MYO5A: variants seen among roughly 807,000 people sequenced by gnomAD.
The protein encoded by MYO5A is myosin VA.
A neutral mutation model predicts 249.7 loss-of-function variants in MYO5A; 98 were observed. That is an observed-to-expected ratio of 0.39 (90% CI 0.33 to 0.46). MYO5A has a LOEUF of 0.46. Among genes scored for constraint, MYO5A ranks in the 20% least tolerant of loss-of-function variants. The pLI is 0.98. For missense variants in MYO5A, 1,696 were observed against 2,308.8 expected, an observed-to-expected ratio of 0.73 and a Z score of 5.44; for synonymous variants, 778 against 810.6, an observed-to-expected ratio of 0.96 and a Z score of 0.68.
chr15:52,381,566 T>C (rs1013923771), intron 16 of MYO5A, among the ~76,000 whole-genome samples: 3 of 152,206 alleles, frequency 2.0e-5, no homozygotes, highest in Non-Finnish European at 2.9e-5. Context: ...ATGTTTATTA[T>C]AGCATTGTTG....
chr15:52,479,238 A>G lies in MYO5A; in HGVS notation c.28-45953T>C, dbSNP rs1567165288. 2.6e-5 allele frequency among the ~76,000 whole-genome samples: 4 copies of G among 152,182 alleles called. No homozygotes were observed. In the South Asian group the frequency reaches 6.2e-4, roughly 24 times the overall value. Reference sequence around the variant, plus strand: ...AGTGACCTGCCCTCCTCAGCCTCCCAAAGTGCTGGTATTACAGGAGTGAGC... The same window carrying G: ...AGTGACCTGCCCTCCTCAGCCTCCCGAAGTGCTGGTATTACAGGAGTGAGC... On this transcript the variant is annotated intron_variant, in intron 1 of 41. Transcript: ENST00000399233.
In MYO5A at chr15:52,522,354, T is replaced by G. The variant is rs191568036; in HGVS notation, c.27+6426A>C. On this transcript the variant is annotated intron_variant, in intron 1 of 41. Coordinates refer to ENST00000399233, the MANE Select transcript of MYO5A (RefSeq NM_001382347.1). ...TCAAGTATATTATACCTCAATAAAG[T>G]TGATGAAAGATTGGGAGTGGGGTGG... 2.7e-3 allele frequency among the ~76,000 whole-genome samples: 415 copies of G among 152,230 alleles called. 6 individuals are homozygous for G. The highest frequency in any genetic ancestry group is 1.1e-3 in the Non-Finnish European group (78 of 68,004).
chr15:52,494,982 C>T (rs1400095528), intron 1 of MYO5A, among the ~76,000 whole-genome samples: 1 of 152,118 alleles, frequency 6.6e-6, no homozygotes, highest in Non-Finnish European at 1.5e-5. Context: ...ATTAATTTTC[C>T]TTCTACTATC....
chr15:52,498,989 T>C (rs914471949), intron 1 of MYO5A, among the ~76,000 whole-genome samples: 7 of 152,220 alleles, frequency 4.6e-5, no homozygotes, highest in African/African-American at 9.6e-5. Context: ...ATGTAAGATA[T>C]CATTTAAGAT....
In MYO5A at chr15:52,309,878, G is replaced by C. The variant is rs910823608; in HGVS notation, c.*3818C>G. 2 of 151,860 alleles carry C rather than the reference G, an allele frequency of 1.3e-5. No individual in the cohort carries two copies. The highest frequency in any genetic ancestry group is 4.8e-5 in the African/African-American group (2 of 41,374). 9.4% of individuals were successfully genotyped at this position (151,860 alleles called of 1,614,324 possible). ...TATGTGTGTGTGTGTGTGTGTAAGA[G>C]AGAAAGGGCATTGTGTGAGGACTTC... is the stretch of plus-strand genomic sequence containing the variant. On this transcript the variant is annotated 3_prime_UTR_variant, in exon 42 of 42. Transcript: ENST00000399233.
At chr15:52,397,169 C>T in intron 10 of MYO5A, 32 bp downstream of exon 10, 1 of 1,610,912 alleles carries the variant, frequency 6.2e-7, no homozygotes, top group Non-Finnish European at 8.5e-7. Context: ...AAGAAATGTT[C>T]TCTGGCAGAC....
At chr15:52,425,561 T>A (rs1724640) in intron 4 of MYO5A, among the ~76,000 whole-genome samples, 2 of 152,154 alleles carry the variant, frequency 1.3e-5, no homozygotes, top group South Asian at 4.1e-4. Flanking sequence ...GGTTTCGCCA[T>A]GTTGGCCAGG....
At chr15:52,436,466 A>G (rs2075665469) in intron 1 of MYO5A, among the ~76,000 whole-genome samples, 1 of 152,172 alleles carries the variant, frequency 6.6e-6, no homozygotes, top group Non-Finnish European at 1.5e-5. Context: ...TGATAGCTCA[A>G]ATGTAAACCT....
chr15:52,497,225 G>C (rs943246428), intron 1 of MYO5A, among the ~76,000 whole-genome samples: 1 of 152,076 alleles, frequency 6.6e-6, no homozygotes, highest in Non-Finnish European at 1.5e-5. Context: ...GCCTCCCAAA[G>C]TGTTGGGATT....
intron 1 of MYO5A, among the ~76,000 whole-genome samples, chr15:52,523,361 TACC>T (rs1462333238): frequency 6.6e-6 from 1 of 152,256 alleles, no homozygotes; most frequent in African/African-American, 2.4e-5. Context: ...CACATCTTTA[TACC>T]CTGCTTCGTC....
chr15:52,400,528 C>A (rs2042703050), intron 9 of MYO5A, among the ~76,000 whole-genome samples: 1 of 152,170 alleles, frequency 6.6e-6, no homozygotes, highest in Non-Finnish European at 1.5e-5. Flanking sequence ...AGGATTCAAT[C>A]CAGGATCATG....
chr15:52,496,425 G>T (rs930170847), intron 1 of MYO5A, among the ~76,000 whole-genome samples: 1 of 152,190 alleles, frequency 6.6e-6, no homozygotes, highest in Non-Finnish European at 1.5e-5. Context: ...AAATGGACAC[G>T]GAATGACTAG....
Position 52,379,487 on chromosome 15 carries a change from C to A in MYO5A, c.2208+138G>T, listed in dbSNP as rs9282793. ...TCCTCGCTAGTTCCAGCATCCTAAA[C>A]ACAGTAGTGTGCCCCTCTCTGATCC... On this transcript the variant is annotated intron_variant, in intron 18 of 41. Transcript: ENST00000399233. 4.8e-5 allele frequency: 37 copies of A among 763,636 alleles called. No individual in the cohort carries two copies. In the East Asian group the frequency reaches 9.2e-4, roughly 19 times the overall value. The allele number at this position is 763,636 out of a possible 1,614,324, so 47.3% of individuals were successfully genotyped here. A position where few individuals can be genotyped will look rare whatever the true frequency, so the allele number is the denominator to read the frequency against.
At chr15:52,330,214 T>C (rs1036576964) in intron 35 of MYO5A, 139 bp downstream of exon 35, 2 of 1,150,286 alleles carry the variant, frequency 1.7e-6, no homozygotes, top group Non-Finnish European at 2.6e-6. Flanking sequence ...GTCAGAACAC[T>C]ACTGCAGCAC....
intron 1 of MYO5A, among the ~76,000 whole-genome samples, chr15:52,439,548 A>G (rs11855295): frequency 0.15 from 22,818 of 152,102 alleles, 1,803 homozygotes; most frequent in Middle Eastern, 0.22. Context: ...GGCAGCACAT[A>G]TATGTTGATT....
In MYO5A at chr15:52,372,318, C is replaced by A. The variant is rs772197482; in HGVS notation, c.2623G>T (p.Gly875Cys). 14 of 1,606,554 alleles carry A rather than the reference C, an allele frequency of 8.7e-6. No individual in the cohort carries two copies. Among genetic ancestry groups the A allele is most frequent in the African/African-American group, 1.3e-5 (1 of 75,028 alleles). The change falls in exon 21 of 42, where the codon GGC becomes TGC. Residue 875 changes from glycine to cysteine, a missense_variant. Gly to Cys is a radical substitution (Grantham distance 159, BLOSUM62 -3). Coordinates refer to ENST00000399233, the MANE Select transcript of MYO5A (RefSeq NM_001382347.1). ...KAVIIQKRVR[G>C]WLARTHYKRS... ...TTGTAGTGTGTGCGGGCCAGCCAGC[C>A]CCGGACTCGCTTCTGAATGATGACT...
upstream of MYO5A, chr15:52,528,905 G>T: frequency 8.2e-7 from 1 of 1,222,246 alleles, no homozygotes; most frequent in South Asian, 2.1e-5. Flanking sequence ...GCCGCCGGCA[G>T]GGAGCAGGGC....
rs143626249 is a variant in MYO5A, at chr15:52,388,008, C to T, written c.1669-96G>A. 1,566 of 911,670 alleles carry T rather than the reference C, an allele frequency of 1.7e-3. 16 individuals are homozygous for T. In the African/African-American group the frequency reaches 0.022, roughly 13 times the overall value. 56.5% of individuals were successfully genotyped at this position (911,670 alleles called of 1,614,324 possible). A position where few individuals can be genotyped will look rare whatever the true frequency, so the allele number is the denominator to read the frequency against. Reference sequence around the variant, plus strand: ...GAATCTTTATTAGTCTCAGGCTATACGATCAACTCTCAGCAAACTGGTATT... The same window carrying T: ...GAATCTTTATTAGTCTCAGGCTATATGATCAACTCTCAGCAAACTGGTATT... On this transcript the variant is annotated intron_variant, in intron 13 of 41. Coordinates refer to ENST00000399233, the MANE Select transcript of MYO5A (RefSeq NM_001382347.1).
intron 35 of MYO5A, among the ~76,000 whole-genome samples, 175 bp from the exon 36 acceptor site, chr15:52,328,181 T>C (rs376986200): frequency 1.3e-5 from 2 of 152,312 alleles, no homozygotes; most frequent in African/African-American, 4.8e-5. Flanking sequence ...ATGTGGAGCA[T>C]GTCCATATAA....
Sources: allele counts gnomAD v4.1 joint callset (sites outside exome capture counted in the v4.1 genomes callset), GRCh38; gene constraint gnomAD v4.1.1; transcripts MANE v1.5; gene names NCBI Gene and HGNC (gene_info 2026-07-23, HGNC 2026-07-21).